Variants in DNM2 observed in about 807,000 individuals in gnomAD.
The protein encoded by DNM2 is dynamin-2.
DNM2 carries 15 observed loss-of-function variants against 99.0 expected under a neutral mutation model. The observed-to-expected ratio is 0.15, with a 90% confidence interval of 0.10 to 0.23. DNM2 has a LOEUF of 0.23. Among genes scored for constraint, DNM2 ranks in the 10% least tolerant of loss-of-function variants. The probability of loss-of-function intolerance (pLI) is 1.00; values close to 1 mark genes in which losing one functional copy is unlikely to be tolerated. For synonymous variants in DNM2, 525 were observed against 481.2 expected (o/e 1.09, Z -1.19); for missense variants, 742 against 1,189.4 (o/e 0.62, Z 5.53).
At position 10,831,250 on chromosome 19, in the gene DNM2, C is replaced by T. The variant is rs2073341121; in HGVS notation, c.*203C>T. 2 of 1,320,468 alleles carry T rather than the reference C, an allele frequency of 1.5e-6. No homozygotes were observed. The highest frequency in any genetic ancestry group is 3.1e-5 in the African/African-American group (2 of 64,852). 81.8% of individuals were successfully genotyped at this position (1,320,468 alleles called of 1,614,324 possible). ...ACTGCGCAAAGGGGCCCTGGAGCTC[C>T]AGGCAGGGGGCGCTGGGGTGTTGCA... On this transcript the variant is annotated 3_prime_UTR_variant, in exon 21 of 21. Transcript: ENST00000389253. The surrounding 1 kb of genome is among the most constrained non-coding windows in gnomAD (Gnocchi z 4.3).
chr19:10,718,400 G>T lies in DNM2; in HGVS notation c.158G>T (p.Gly53Val). 6.8e-7 allele frequency: 1 copy of T among 1,472,894 alleles called. No individual in the cohort carries two copies. 91.2% of individuals were successfully genotyped at this position (1,472,894 alleles called of 1,614,324 possible). Residue 53 changes from glycine to valine, a missense_variant, in exon 1 of 21, where the codon GGC becomes GTC. Physicochemically the swap from Gly to Val is moderately radical, Grantham distance 109. Around this residue, in one of 7 missense-constraint regions of DNM2, gnomAD observed 192 missense variants for 358.9 expected, o/e 0.54. Coordinates refer to ENST00000389253, the MANE Select transcript of DNM2 (RefSeq NM_001005361.3). The stretch of plus-strand genomic sequence containing the variant: ...AGCTCGGTGCTGGAGAACTTCGTGG[G>T]CCGGTGAGCGGGCGCGGCAGGGATC... ...GKSSVLENFV[G>V]RDFLPRGSGI...
At chr19:10,759,512 G>A in intron 1 of DNM2, 1 of 601,744 alleles carries the variant, frequency 1.7e-6, no homozygotes. Context: ...CAGCCTGCCA[G>A]AGGGAAATGG....
chr19:10,786,633 C>G lies in DNM2; in HGVS notation c.919C>G (p.Leu307Val), dbSNP rs755458594. The change falls in exon 7 of 21, where the codon CTG (leucine) becomes GTG (valine). Residue 307 changes from leucine to valine, a missense_variant. Physicochemically the swap from Leu to Val is conservative, Grantham distance 32. Transcript: ENST00000389253. Reference sequence around the variant, plus strand: ...CAAACTACAGAGCCAGCTGCTGTCCCTGGAGAAGGAGGTGGAGGAGTACAA... The same window carrying G: ...CAAACTACAGAGCCAGCTGCTGTCCGTGGAGAAGGAGGTGGAGGAGTACAA... Reference protein sequence around the residue: ...RSKLQSQLLSLEKEVEEYKNF... With the variant: ...RSKLQSQLLSVEKEVEEYKNF... 6 of 1,614,186 alleles carry G rather than the reference C, an allele frequency of 3.7e-6. No homozygotes were observed. The South Asian group carries it at 4.4e-5, about 12-fold the overall frequency.
At chr19:10,798,093 C>A (rs2072001780) in intron 10 of DNM2, among the ~76,000 whole-genome samples, 1 of 152,158 alleles carries the variant, frequency 6.6e-6, no homozygotes, top group Non-Finnish European at 1.5e-5. Context: ...ACCCGCCTTA[C>A]CATTCTAGAA....
chr19:10,720,866 C>T (rs2068915896), intron 1 of DNM2, among the ~76,000 whole-genome samples: 1 of 152,196 alleles, frequency 6.6e-6, no homozygotes, highest in Non-Finnish European at 1.5e-5. Flanking sequence ...AATGAAAGTG[C>T]TTTCACGTTA....
chr19:10,826,113 C>T (rs907388767), intron 18 of DNM2, among the ~76,000 whole-genome samples: 1 of 152,184 alleles, frequency 6.6e-6, no homozygotes, highest in Admixed American at 6.5e-5. Flanking sequence ...CTTTGGGAAA[C>T]CCTAGGGTTT....
rs760008868 is a variant in DNM2 at position 10,825,074 on chromosome 19, G to A, written c.1911G>A (p.Gly637=). 6 of 1,614,164 alleles carry A rather than the reference G, an allele frequency of 3.7e-6. No individual in the cohort carries two copies. Among genetic ancestry groups the A allele is most frequent in the South Asian group, 3.3e-5 (3 of 91,086 alleles). Residue 637 remains glycine (G), a synonymous_variant, in exon 18 of 21, where the codon GGG becomes GGA. Coordinates refer to ENST00000389253, the MANE Select transcript of DNM2 (RefSeq NM_001005361.3). ...GCTTGCAGGCAGAAAACGAGGATGGGGCCCAGGAGAACACCTTCTCCATGG... is the reference window on the plus strand; with the variant it reads ...GCTTGCAGGCAGAAAACGAGGATGGAGCCCAGGAGAACACCTTCTCCATGG... ...PEKDQAENED[G]AQENTFSMDP...
At chr19:10,809,841 C>T (rs1370946937) in intron 14 of DNM2, 1 of 152,328 alleles carries the variant, frequency 6.6e-6, no homozygotes, top group African/African-American at 2.4e-5. Context: ...TCGCTGCTCC[C>T]AGGGCCTGGG....
At chr19:10,785,781 C>G (rs1363305591) in intron 6 of DNM2, among the ~76,000 whole-genome samples, 1 of 152,038 alleles carries the variant, frequency 6.6e-6, no homozygotes, top group Non-Finnish European at 1.5e-5. Context: ...TTACACTTTG[C>G]AAGTATAGGC....
At position 10,800,381 on chromosome 19, in the gene DNM2, T is replaced by C. The variant is rs1211358517; in HGVS notation, c.1422+1809T>C. ...AGGGCACCAGTCCACCTATGCCTCATAGCTGCTGTAGCTTGGAAATTGTAT... is the reference window on the plus strand; with the variant it reads ...AGGGCACCAGTCCACCTATGCCTCACAGCTGCTGTAGCTTGGAAATTGTAT... On this transcript the variant is annotated intron_variant, in intron 11 of 20. Transcript: ENST00000389253. 3.3e-5 allele frequency among the ~76,000 whole-genome samples: 5 copies of C among 152,336 alleles called. No homozygotes were observed. The East Asian group carries it at 7.7e-4, about 24-fold the overall frequency.
intron 17 of DNM2, 123 bp downstream of exon 17, chr19:10,824,022 C>T: frequency 1.1e-6 from 1 of 873,238 alleles, no homozygotes; most frequent in Non-Finnish European, 1.8e-6. Flanking sequence ...AATCATGTAG[C>T]AGATGCCCAC....
rs533478312 is a variant in DNM2, at chr19:10,754,812, G to A, written c.162-4926G>A. 3.2e-4 allele frequency among the ~76,000 whole-genome samples: 49 copies of A among 151,730 alleles called. 1 individual carries two copies. In the Middle Eastern group the frequency reaches 0.01, roughly 32 times the overall value. ...TCGTTATGTTGCCCAGGCTGGTCTCGAACTCCTGACTTCAAGTGATCCACC... is the reference window on the plus strand; with the variant it reads ...TCGTTATGTTGCCCAGGCTGGTCTCAAACTCCTGACTTCAAGTGATCCACC... On this transcript the variant is annotated intron_variant, in intron 1 of 20. Coordinates refer to ENST00000389253, the MANE Select transcript of DNM2 (RefSeq NM_001005361.3).
chr19:10,788,059 CCT>C (rs2071626180), intron 7 of DNM2, among the ~76,000 whole-genome samples: 2 of 150,372 alleles, frequency 1.3e-5, no homozygotes, highest in African/African-American at 2.5e-5. Context: ...TGGTGAAACC[CCT>C]GTCTCTACTG....
chr19:10,803,569 TCA>T (rs1437156566), intron 12 of DNM2: 14 of 953,976 alleles, frequency 1.5e-5, no homozygotes, highest in Non-Finnish European at 1.6e-5. Flanking sequence ...CAGTTCCTTC[TCA>T]CAATCTCTCC....
At chr19:10,758,610 G>A (rs373474405) in intron 1 of DNM2, among the ~76,000 whole-genome samples, 10 of 134,350 alleles carry the variant, frequency 7.4e-5, no homozygotes, top group South Asian at 2.8e-4. Context: ...GCAGTGGCAC[G>A]ATCTCAGCTC....
At chr19:10,738,068 C>G (rs1037006858) in intron 1 of DNM2, among the ~76,000 whole-genome samples, 2 of 152,060 alleles carry the variant, frequency 1.3e-5, no homozygotes, top group African/African-American at 4.8e-5. Context: ...GGAGTTAGGC[C>G]TGGCAGAGGA....
intron 18 of DNM2, among the ~76,000 whole-genome samples, chr19:10,826,151 T>A (rs1222260726): frequency 6.6e-6 from 1 of 152,188 alleles, no homozygotes; most frequent in African/African-American, 2.4e-5. Flanking sequence ...CATAGTCCCA[T>A]CAAGTCCACT....
At chr19:10,746,725 TTG>T (rs201991632) in intron 1 of DNM2, among the ~76,000 whole-genome samples, 1,167 of 86,652 alleles carry the variant, frequency 0.013, 16 homozygotes, top group East Asian at 0.09. Context: ...GGCTTTTTTT[TTG>T]TTTTTTGTTT....
chr19:10,730,721 C>T lies in DNM2; in HGVS notation c.161+12318C>T, dbSNP rs909066935. On this transcript the variant is annotated intron_variant, in intron 1 of 20. Transcript: ENST00000389253. Reference sequence around the variant, plus strand: ...GCTGGGCAGCGTGGGTGTCTATCTGCGTTGGCTTCGAGGGCTGTAAGATGG... The same window carrying T: ...GCTGGGCAGCGTGGGTGTCTATCTGTGTTGGCTTCGAGGGCTGTAAGATGG... Among the ~76,000 whole-genome samples, 3 of 152,178 alleles carry T rather than the reference C, an allele frequency of 2.0e-5. No homozygotes were observed. The South Asian group carries it at 6.2e-4, about 31-fold the overall frequency.
Sources: gnomAD v4.1 joint callset for allele counts (sites outside exome capture counted in the v4.1 genomes callset) on GRCh38, gnomAD v4.1.1 for gene constraint, gnomAD v4.1.1 regional missense constraint, Gnocchi (gnomAD v3.1) non-coding constraint, MANE v1.5 for transcripts, NCBI Gene and HGNC (gene_info 2026-07-23, HGNC 2026-07-21) for gene names.